NUP205: variants seen among roughly 807,000 people sequenced by gnomAD.
The protein encoded by NUP205 is nucleoporin 205, also known as nuclear pore complex protein Nup205.
NUP205 carries 76 observed loss-of-function variants against 253.8 expected under a neutral mutation model. That is an observed-to-expected ratio of 0.30 (90% CI 0.25 to 0.36). The LOEUF is 0.36. NUP205 is among the 10% of genes least tolerant of loss of function. The pLI, the probability that NUP205 is intolerant of heterozygous loss-of-function variation, is 1.00. For missense variants in NUP205, 2,162 were observed against 2,425.5 expected, an observed-to-expected ratio of 0.89 and a Z score of 2.28; for synonymous variants, 832 against 850.1, an observed-to-expected ratio of 0.98 and a Z score of 0.37.
intron 22 of NUP205, among the ~76,000 whole-genome samples, chr7:135,609,630 A>T (rs1794181279): frequency 6.6e-6 from 1 of 152,018 alleles, no homozygotes; most frequent in African/African-American, 2.4e-5. Context: ...CCTGGGCAAC[A>T]GAGCGAGACC....
In NUP205 at chr7:135,614,284, A is replaced by T; in HGVS notation, c.3310+11A>T. On this transcript the variant is annotated intron_variant, in intron 23 of 42. Coordinates refer to ENST00000285968, the MANE Select transcript of NUP205 (RefSeq NM_015135.3). ...CATTTTCTAACAAAGGTAGGCCATT[A>T]TTTTCCCGTATTTATAAGAACACAT... is the stretch of plus-strand genomic sequence containing the variant. 7.8e-7 allele frequency: 1 copy of T among 1,275,756 alleles called. No individual in the cohort carries two copies. Among genetic ancestry groups the T allele is most frequent in the Non-Finnish European group, 1.1e-6 (1 of 872,520 alleles). 79.0% of individuals were successfully genotyped at this position (1,275,756 alleles called of 1,614,324 possible). A position where few individuals can be genotyped will look rare whatever the true frequency, so the allele number is the denominator to read the frequency against.
intron 2 of NUP205, 111 bp downstream of exon 2, chr7:135,571,358 A>G (rs1042806435): frequency 2.2e-5 from 14 of 622,484 alleles, no homozygotes; most frequent in Non-Finnish European, 3.0e-5. Context: ...TCAGAAATTT[A>G]TTTACTGTGC....
intron 35 of NUP205, among the ~76,000 whole-genome samples, chr7:135,633,658 G>T (rs183777875): frequency 1.8e-4 from 27 of 151,224 alleles, no homozygotes; most frequent in Middle Eastern, 3.4e-3. Context: ...GCCCAGGCTG[G>T]TCTCAAACTT....
intron 22 of NUP205, among the ~76,000 whole-genome samples, chr7:135,612,767 C>A (rs978761782): frequency 1.3e-5 from 2 of 152,138 alleles, no homozygotes; most frequent in African/African-American, 4.8e-5. Flanking sequence ...AATATGGAAT[C>A]TGTAAATAAT....
chr7:135,558,201 G>T, intron 1 of NUP205: 1 of 581,772 alleles, frequency 1.7e-6, no homozygotes, highest in Non-Finnish European at 3.1e-6. Flanking sequence ...TGAGGCTTGG[G>T]CCGCTGGACC....
rs143618178 is a variant in NUP205 at position 135,642,114 on chromosome 7, G to T, written c.5393-1078G>T. On this transcript the variant is annotated intron_variant, in intron 38 of 42. Transcript: ENST00000285968. The stretch of plus-strand genomic sequence containing the variant: ...TACTAAAAATGCAAAAAATAACTGG[G>T]TGTGGTGGCATGCGCCTGTAATCCC... Among the ~76,000 whole-genome samples, 335 of 152,126 alleles carry T rather than the reference G, an allele frequency of 2.2e-3. 1 individual carries two copies. The highest frequency in any genetic ancestry group is 7.6e-3 in the African/African-American group (315 of 41,496).
chr7:135,576,817 G>T (rs968506525), intron 4 of NUP205, 152 bp from the exon 5 acceptor site: 1 of 667,666 alleles, frequency 1.5e-6, no homozygotes, highest in Non-Finnish European at 2.4e-6. Context: ...GGGACGTCAA[G>T]GCTGCAGTGA....
At chr7:135,592,215 C>G (rs1226131323) in intron 11 of NUP205, among the ~76,000 whole-genome samples, 1 of 152,210 alleles carries the variant, frequency 6.6e-6, no homozygotes, top group African/African-American at 2.4e-5. Context: ...TCTGTCAAGC[C>G]TGCCAGTCTT....
Position 135,628,102 on chromosome 7 carries a change from A to G in NUP205, c.4923A>G (p.Ala1641=). ...LTSSMAQHLQ[A]AGQVLQFLIS... ...CTAGTATGGCCCAGCACTTGCAGGC[A>G]GCAGGGCAGGTAAGGTGAACCCTTT... Residue 1641 remains alanine (A), a synonymous_variant, in exon 34 of 43, where the codon GCA becomes GCG. Coordinates refer to ENST00000285968, the MANE Select transcript of NUP205 (RefSeq NM_015135.3). 6.2e-7 allele frequency: 1 copy of G among 1,609,156 alleles called. No individual in the cohort carries two copies. The highest frequency in any genetic ancestry group is 1.7e-4 in the Middle Eastern group (1 of 6,056).
chr7:135,597,528 A>G, intron 14 of NUP205, 110 bp downstream of exon 14: 1 of 664,784 alleles, frequency 1.5e-6, no homozygotes, highest in Non-Finnish European at 2.5e-6. Flanking sequence ...AATTTAATGT[A>G]TTTTTATTTG....
At chr7:135,598,287 A>T in intron 15 of NUP205, 80 bp downstream of exon 15, 1 of 1,249,226 alleles carries the variant, frequency 8.0e-7, no homozygotes, top group Non-Finnish European at 1.1e-6. Context: ...TGCTAAATTC[A>T]TGTTAGCTTT....
chr7:135,619,736 T>G, intron 29 of NUP205, 46 bp downstream of exon 29: 2 of 1,596,124 alleles, frequency 1.3e-6, no homozygotes, highest in Non-Finnish European at 1.7e-6. Flanking sequence ...TTTGTATTTG[T>G]TTTAACTTTA....
chr7:135,604,413 A>C lies in NUP205; in HGVS notation c.2776A>C (p.Asn926His). ...SAKILCCISCNSNIQIKLVGD... is the reference protein window; with the variant it reads ...SAKILCCISCHSNIQIKLVGD... ...CAAGATCCTCTGTTGTATCTCTTGCAACTCTAATATTCAGATAAAGTTGGT... is the reference window on the plus strand; with the variant it reads ...CAAGATCCTCTGTTGTATCTCTTGCCACTCTAATATTCAGATAAAGTTGGT... The change falls in exon 19 of 43, where the codon AAC (asparagine) becomes CAC (histidine). Residue 926 changes from asparagine (N) to histidine (H), a missense_variant. This residue lies in a region of NUP205 where 892 missense variants were observed against 957.1 expected (regional missense o/e 0.93). Transcript: ENST00000285968. 1 of 1,613,022 alleles carries C rather than the reference A, an allele frequency of 6.2e-7. No individual in the cohort carries two copies. Among genetic ancestry groups the C allele is most frequent in the Non-Finnish European group, 8.5e-7 (1 of 1,179,440 alleles).
rs539441528 is a variant in NUP205, at chr7:135,586,464, T to A, written c.1219-1111T>A. Among the ~76,000 whole-genome samples, 9 of 152,286 alleles carry A rather than the reference T, an allele frequency of 5.9e-5. No individual in the cohort carries two copies. In the East Asian group the frequency reaches 9.6e-4, roughly 16 times the overall value. ...TGTTTATTATTTTCTTCCCTCTGCC[T>A]TGGGTTTAATTTGCTCCCTTAATTT... On this transcript the variant is annotated intron_variant, in intron 8 of 42. Coordinates refer to ENST00000285968, the MANE Select transcript of NUP205 (RefSeq NM_015135.3).
chr7:135,646,274 G>A, intron 42 of NUP205, 43 bp downstream of exon 42: 4 of 1,379,032 alleles, frequency 2.9e-6, no homozygotes, highest in Non-Finnish European at 4.1e-6. Context: ...CTTCATTAAA[G>A]TAAAAGGGCT....
chr7:135,641,020 A>G (rs986298222), intron 38 of NUP205, among the ~76,000 whole-genome samples: 9 of 152,100 alleles, frequency 5.9e-5, no homozygotes, highest in African/African-American at 1.9e-4. Flanking sequence ...AGCCAAGATC[A>G]TGCCTCTAAC....
intron 11 of NUP205, among the ~76,000 whole-genome samples, chr7:135,592,397 T>A (rs1334064267): frequency 6.6e-6 from 1 of 152,228 alleles, no homozygotes; most frequent in Non-Finnish European, 1.5e-5. Context: ...CTCTCCTGGA[T>A]GTGAAGTAGG....
Position 135,619,424 on chromosome 7 carries a change from T to C in NUP205, c.3965T>C (p.Ile1322Thr), listed in dbSNP as rs1446366048. 2 of 1,612,168 alleles carry C rather than the reference T, an allele frequency of 1.2e-6. No individual in the cohort carries two copies. Among genetic ancestry groups the C allele is most frequent in the African/African-American group, 1.3e-5 (1 of 74,850 alleles). The change falls in exon 29 of 43, where the codon ATA becomes ACA. Residue 1322 changes from isoleucine to threonine, a missense_variant and splice_region_variant. Physicochemically the swap from Ile to Thr is moderately conservative, Grantham distance 89. Transcript: ENST00000285968. ...TCTAATTTGCCCTTGTCCTTTAAGA[T>C]ACTGGATGATGAAGCTGCGCAAGAG... ...RDILQDVHDKILDDEAAQELM... is the reference protein window; with the variant it reads ...RDILQDVHDKTLDDEAAQELM...
chr7:135,573,873 A>T, intron 3 of NUP205, 48 bp downstream of exon 3: 1 of 1,395,500 alleles, frequency 7.2e-7, no homozygotes, highest in Non-Finnish European at 1.0e-6. Context: ...GCAAAATTAT[A>T]AAATCACTCA....
Sources: allele counts gnomAD v4.1 joint callset (sites outside exome capture counted in the v4.1 genomes callset), GRCh38; gene constraint gnomAD v4.1.1; regional missense constraint gnomAD v4.1.1; transcripts MANE v1.5; gene names NCBI Gene and HGNC (gene_info 2026-07-23, HGNC 2026-07-21).